Variants in TENM2 observed in about 807,000 individuals in gnomAD.
TENM2 encodes the protein teneurin transmembrane protein 2, also known as teneurin-2.
Under a neutral mutation model 245.2 loss-of-function variants are expected in TENM2, and 52 were observed. The ratio of observed to expected loss-of-function variants is 0.21; its 90% confidence interval spans 0.17 to 0.27. The LOEUF is 0.27. TENM2 is among the 10% of genes least tolerant of loss of function. The probability of loss-of-function intolerance (pLI) is 1.00; values close to 1 mark genes in which losing one functional copy is unlikely to be tolerated. For missense variants in TENM2, 3,046 were observed against 3,666.8 expected (o/e 0.83, Z 4.37); for synonymous variants, 1,363 against 1,438.9 (o/e 0.95, Z 1.19).
At chr5:167,749,506 T>A (rs1339805338) in intron 2 of TENM2, among the ~76,000 whole-genome samples, 1 of 151,808 alleles carries the variant, frequency 6.6e-6, no homozygotes, top group Non-Finnish European at 1.5e-5. Flanking sequence ...GGTGTGGTGG[T>A]GGGCACCTAT....
chr5:167,420,306 C>T (rs1274536210), intron 2 of TENM2, among the ~76,000 whole-genome samples: 1 of 152,176 alleles, frequency 6.6e-6, no homozygotes, highest in Non-Finnish European at 1.5e-5. Context: ...TCAAATTATT[C>T]AAGCTTTCTG....
chr5:167,654,794 T>C (rs1370909183), intron 2 of TENM2, among the ~76,000 whole-genome samples: 3 of 152,114 alleles, frequency 2.0e-5, no homozygotes, highest in African/African-American at 7.2e-5. Context: ...CATTTACTTA[T>C]ATTTTCATAG....
the TENM2 span, among the ~76,000 whole-genome samples, chr5:166,987,498 T>C: frequency 1.3e-5 from 2 of 150,982 alleles, no homozygotes; most frequent in Non-Finnish European, 2.9e-5. Flanking sequence ...TAGCTTCAGG[T>C]GAGATCAAGG....
chr5:167,187,125 C>A, the TENM2 span, among the ~76,000 whole-genome samples: 9 of 152,312 alleles, frequency 5.9e-5, 1 homozygote, highest in Admixed American at 3.9e-4. Flanking sequence ...TTTAAGCAGT[C>A]ATAAGAGATT....
At chr5:167,656,115 A>G (rs989826841) in intron 2 of TENM2, among the ~76,000 whole-genome samples, 3 of 152,172 alleles carry the variant, frequency 2.0e-5, no homozygotes, top group Admixed American at 6.5e-5. Context: ...AAAGTGCTGC[A>G]ACTTTGAGAC....
At chr5:167,423,004 A>G (rs1763598991) in intron 2 of TENM2, among the ~76,000 whole-genome samples, 2 of 152,316 alleles carry the variant, frequency 1.3e-5, no homozygotes, top group South Asian at 4.1e-4. Flanking sequence ...TGACTCCTGT[A>G]TAGCATATTT....
chr5:167,536,418 G>A (rs889494172), intron 2 of TENM2, among the ~76,000 whole-genome samples: 19 of 151,814 alleles, frequency 1.3e-4, no homozygotes, highest in Admixed American at 1.1e-3. Flanking sequence ...AATATGTAAG[G>A]CTTTGTGAGC....
At chr5:167,395,402 T>C (rs919265362) in intron 2 of TENM2, among the ~76,000 whole-genome samples, 4 of 152,178 alleles carry the variant, frequency 2.6e-5, no homozygotes, top group Non-Finnish European at 5.9e-5. Flanking sequence ...TATTTTTCTT[T>C]TGTCTTTAGG....
chr5:167,471,128 C>G (rs1277761404), intron 2 of TENM2, among the ~76,000 whole-genome samples: 1 of 152,176 alleles, frequency 6.6e-6, no homozygotes, highest in Admixed American at 6.6e-5. Flanking sequence ...ACTTAGAAAG[C>G]AAGTAATCTA....
chr5:167,561,941 G>A (rs547032057), intron 2 of TENM2, among the ~76,000 whole-genome samples: 6 of 152,276 alleles, frequency 3.9e-5, no homozygotes, highest in East Asian at 3.9e-4. Context: ...TTTCAGCTTC[G>A]TCATTTGCTG....
At chr5:167,688,823 A>C (rs1434315590) in intron 2 of TENM2, among the ~76,000 whole-genome samples, 2 of 152,236 alleles carry the variant, frequency 1.3e-5, no homozygotes, top group African/African-American at 2.4e-5. Flanking sequence ...CAGCATTCTC[A>C]GGCTGGGTGA....
intron 2 of TENM2, among the ~76,000 whole-genome samples, chr5:167,711,973 C>A (rs1198651043): frequency 6.6e-6 from 1 of 152,168 alleles, no homozygotes; most frequent in Non-Finnish European, 1.5e-5. Flanking sequence ...ACTCATGGTA[C>A]AAATTCAAAC....
intron 1 of TENM2, among the ~76,000 whole-genome samples, chr5:167,300,850 A>G (rs746588654): frequency 2.0e-4 from 31 of 152,286 alleles, no homozygotes; most frequent in Non-Finnish European, 4.0e-4. Context: ...TAACTTAGTT[A>G]AAGTGTCTCG....
intron 9 of TENM2, among the ~76,000 whole-genome samples, chr5:168,098,438 T>C (rs1298980561): frequency 6.6e-6 from 1 of 152,228 alleles, no homozygotes; most frequent in Non-Finnish European, 1.5e-5. Flanking sequence ...TCCTTTCTTA[T>C]AATCATTAAC....
Position 167,788,098 on chromosome 5 carries a change from A to G in TENM2, c.503-87888A>G, listed in dbSNP as rs201774799. On this transcript the variant is annotated intron_variant, in intron 2 of 28. Coordinates refer to ENST00000518659, the Ensembl canonical transcript of TENM2. ...CAAGTGGGTAGGACTGTTTTTATTTACTACACTATTTGAGAAGACACATGC... is the reference window on the plus strand; with the variant it reads ...CAAGTGGGTAGGACTGTTTTTATTTGCTACACTATTTGAGAAGACACATGC... Among the ~76,000 whole-genome samples the G allele has an allele frequency of 1.5e-4, 23 of 152,234 alleles. No individual in the cohort carries two copies. In the East Asian group the frequency reaches 4.1e-3, roughly 27 times the overall value.
intron 2 of TENM2, among the ~76,000 whole-genome samples, chr5:167,828,664 T>A (rs1056982014): frequency 2.0e-5 from 3 of 152,148 alleles, no homozygotes; most frequent in Non-Finnish European, 2.9e-5. Context: ...GACGAAAAAA[T>A]ATATTTATTT....
intron 1 of TENM2, among the ~76,000 whole-genome samples, chr5:167,286,965 C>T (rs1033997885): frequency 3.3e-5 from 5 of 152,308 alleles, no homozygotes; most frequent in South Asian, 2.1e-4. Context: ...ATTAACAATT[C>T]ACACATGCCG....
chr5:167,248,103 C>T, the TENM2 span, among the ~76,000 whole-genome samples: 3 of 152,146 alleles, frequency 2.0e-5, no homozygotes, highest in East Asian at 5.8e-4. Flanking sequence ...CTTGGAATTT[C>T]ACTTCAGAAA....
At chr5:168,126,163 A>G (rs770737092) in intron 11 of TENM2, among the ~76,000 whole-genome samples, 1 of 152,224 alleles carries the variant, frequency 6.6e-6, no homozygotes, top group African/African-American at 2.4e-5. Flanking sequence ...AGCGGTCATT[A>G]TCACCGCCAA....
Sources: gnomAD v4.1 joint callset for allele counts (sites outside exome capture counted in the v4.1 genomes callset) on GRCh38, gnomAD v4.1.1 for gene constraint, MANE v1.5 for transcripts, NCBI Gene and HGNC (gene_info 2026-07-23, HGNC 2026-07-21) for gene names.